ATG13: variants seen among roughly 807,000 people sequenced by gnomAD.
The protein encoded by ATG13 is autophagy-related protein 13.
Under a neutral mutation model 65.5 loss-of-function variants are expected in ATG13, and 23 were observed. The observed-to-expected ratio is 0.35, with a 90% CI of 0.25 to 0.50. The LOEUF (loss-of-function observed/expected upper bound fraction) is 0.50. Among genes scored for constraint, ATG13 ranks in the 20% least tolerant of loss-of-function variants. ATG13 has a pLI of 0.98. For synonymous variants in ATG13, 252 were observed against 245.2 expected (o/e 1.03, Z -0.26); for missense variants, 566 against 677.0 (o/e 0.84, Z 1.82).
intron 1 of ATG13, among the ~76,000 whole-genome samples, chr11:46,626,397 C>T (rs539364638): frequency 6.8e-4 from 103 of 152,136 alleles, no homozygotes; most frequent in African/African-American, 2.3e-3. Context: ...ATTACAGGCA[C>T]GCACCACCAT....
intron 11 of ATG13, 31 bp downstream of exon 11, chr11:46,659,516 A>G (rs1035166272): frequency 1.9e-6 from 3 of 1,549,628 alleles, no homozygotes; most frequent in Non-Finnish European, 2.7e-6. Context: ...GGGTGGTGGT[A>G]GTTATTTGGT....
chr11:46,649,133 A>G lies in ATG13; in HGVS notation c.271-4A>G. ...CAAATATTTTAAATTTGTCCTTTCT[A>G]CAGGGAGATTCCATGGAGCTGGAAA... On this transcript the variant is annotated splice_region_variant and splice_polypyrimidine_tract_variant and intron_variant, in intron 5 of 18. Transcript: ENST00000683050. The G allele has an allele frequency of 6.2e-7, 1 of 1,612,196 alleles. No homozygotes were observed. The highest frequency in any genetic ancestry group is 8.5e-7 in the Non-Finnish European group (1 of 1,178,944).
intron 9 of ATG13, 57 bp from the exon 10 acceptor site, chr11:46,657,467 T>A: frequency 6.5e-7 from 1 of 1,537,346 alleles, no homozygotes; most frequent in East Asian, 2.2e-5. Flanking sequence ...TCTGAGGACT[T>A]TGTGGGGGCT....
Position 46,654,283 on chromosome 11 carries a change from T to TATATATATATA in ATG13, c.459-1950_459-1949insATATATATATA, listed in dbSNP as rs1555105175. ...CCTCATCACTACTATTTTTAAAATT[T>TATATATATATA]TATATATATATATATATATATATAT... On this transcript the variant is annotated intron_variant, in intron 7 of 18. Coordinates refer to ENST00000683050, the MANE Select transcript of ATG13 (RefSeq NM_001346311.2). Among the ~76,000 whole-genome samples the TATATATATATA allele has an allele frequency of 1.1e-3, 135 of 122,304 alleles. 1 individual carries two copies. Among genetic ancestry groups the TATATATATATA allele is most frequent in the Middle Eastern group, 8.3e-3 (2 of 240 alleles). The allele number at this position is 122,304 out of a possible 152,430, so 80.2% of individuals were successfully genotyped here.
intron 11 of ATG13, among the ~76,000 whole-genome samples, chr11:46,660,770 G>A (rs963899527): frequency 7.3e-5 from 11 of 151,306 alleles, no homozygotes; most frequent in Non-Finnish European, 1.6e-4. Flanking sequence ...GTGCAGTGGT[G>A]CAGTCATGGG....
At chr11:46,659,316 C>G (rs1382722404) in intron 10 of ATG13, 76 bp from the exon 11 acceptor site, 1 of 1,202,400 alleles carries the variant, frequency 8.3e-7, no homozygotes, top group African/African-American at 1.5e-5. Context: ...CCATCTCTAT[C>G]TAATCACCTT....
chr11:46,664,058 T>C lies in ATG13; in HGVS notation c.851T>C (p.Leu284Pro), dbSNP rs1479149007. 7 of 1,596,198 alleles carry C rather than the reference T, an allele frequency of 4.4e-6. No individual in the cohort carries two copies. The highest frequency in any genetic ancestry group is 5.9e-6 in the Non-Finnish European group (7 of 1,178,822). ...CCTACTCCTGTGGTGACGGACACCC[T>C]GAGGGTCCCCATGGCAGGACTGGCC... The part of the protein sequence containing the change: ...QTPTPVVTDT[L>P]RVPMAGLAFS... Residue 284 changes from leucine (L) to proline (P), a missense_variant, in exon 12 of 19, where the codon CTG (leucine) becomes CCG (proline). Transcript: ENST00000683050.
rs538996604 is a variant in ATG13, at chr11:46,625,961, C to CGTTT, written c.-69-4071_-69-4068dup. 3.3e-3 allele frequency among the ~76,000 whole-genome samples: 509 copies of CGTTT among 152,032 alleles called. 2 individuals are homozygous for CGTTT. The highest frequency in any genetic ancestry group is 5.2e-3 in the Non-Finnish European group (351 of 67,962). ...GGGTATTGATTTCTTTTGTTTCTTT[C>CGTTT]GTTTGTTTGTTTGTTTTTGAGACGG... On this transcript the variant is annotated intron_variant, in intron 1 of 18. Coordinates refer to ENST00000683050, the MANE Select transcript of ATG13 (RefSeq NM_001346311.2).
chr11:46,635,715 G>A (rs1478564675), intron 2 of ATG13, among the ~76,000 whole-genome samples: 5 of 152,118 alleles, frequency 3.3e-5, no homozygotes, highest in Non-Finnish European at 5.9e-5. Flanking sequence ...TGGACCTAAG[G>A]GAACACATAG....
intron 2 of ATG13, among the ~76,000 whole-genome samples, chr11:46,633,505 G>A (rs1464280101): frequency 1.3e-5 from 2 of 151,542 alleles, no homozygotes; most frequent in East Asian, 1.9e-4. Flanking sequence ...CCGCCACCAC[G>A]CCCAGCTAAT....
Position 46,617,738 on chromosome 11 carries a change from C to A in ATG13, c.-222C>A. ...AACGTCTGGGGCCTGCGAGCCAGGA[C>A]CCTTCTGAAGCCTTAGGTGTCTATC... On this transcript the variant is annotated 5_prime_UTR_variant, in exon 1 of 19. Coordinates refer to ENST00000683050, the MANE Select transcript of ATG13 (RefSeq NM_001346311.2). 2.5e-6 allele frequency: 1 copy of A among 398,548 alleles called. No homozygotes were observed. Among genetic ancestry groups the A allele is most frequent in the Non-Finnish European group, 4.4e-6 (1 of 225,974 alleles). 24.7% of individuals were successfully genotyped at this position (398,548 alleles called of 1,614,324 possible). A position where few individuals can be genotyped will look rare whatever the true frequency, so the allele number is the denominator to read the frequency against.
At chr11:46,666,521 G>A (rs2062398781) in intron 14 of ATG13, among the ~76,000 whole-genome samples, 1 of 152,198 alleles carries the variant, frequency 6.6e-6, no homozygotes, top group Non-Finnish European at 1.5e-5. Flanking sequence ...GATACATTCT[G>A]TAAAACTCAA....
At chr11:46,642,035 C>T (rs950966956) in intron 2 of ATG13, among the ~76,000 whole-genome samples, 4 of 152,132 alleles carry the variant, frequency 2.6e-5, no homozygotes, top group Non-Finnish European at 4.4e-5. Context: ...ATCCAACTGC[C>T]TCAGCCTCCT....
intron 2 of ATG13, among the ~76,000 whole-genome samples, chr11:46,637,675 A>G (rs567291579): frequency 3.3e-5 from 5 of 152,356 alleles, no homozygotes; most frequent in Admixed American, 2.6e-4. Flanking sequence ...AATAGCACCC[A>G]GATGAGAACA....
rs1296024240 is a variant in ATG13 at position 46,645,931 on chromosome 11, G to A, written c.212G>A (p.Gly71Glu). 1 of 1,614,212 alleles carries A rather than the reference G, an allele frequency of 6.2e-7. No homozygotes were observed. The highest frequency in any genetic ancestry group is 8.5e-7 in the Non-Finnish European group (1 of 1,180,028). ...CATGAAGCAAAGAAGGCACTGGCAG[G>A]ACAGCTGCCTGCAGTCGGGAGGTCC... ...VTHEAKKALA[G>E]QLPAVGRSMC... The change falls in exon 5 of 19, where the codon GGA (glycine) becomes GAA (glutamate). Residue 71 changes from glycine to glutamate, a missense_variant. Transcript: ENST00000683050.
chr11:46,639,384 C>T (rs2055108049), intron 2 of ATG13, among the ~76,000 whole-genome samples: 1 of 152,066 alleles, frequency 6.6e-6, no homozygotes, highest in Non-Finnish European at 1.5e-5. Flanking sequence ...TTGTTGGCTT[C>T]CTGGACTAGT....
chr11:46,641,662 G>A (rs73451858), intron 2 of ATG13, among the ~76,000 whole-genome samples: 7 of 151,904 alleles, frequency 4.6e-5, no homozygotes, highest in Admixed American at 3.3e-4. Flanking sequence ...TTCTATAACT[G>A]TATCTGGATT....
At chr11:46,620,258 TAA>T (rs2047022831) in intron 1 of ATG13, among the ~76,000 whole-genome samples, 1 of 150,444 alleles carries the variant, frequency 6.6e-6, no homozygotes, top group Non-Finnish European at 1.5e-5. Flanking sequence ...CACGCCTGGC[TAA>T]GTTTTTGTAT....
intron 2 of ATG13, among the ~76,000 whole-genome samples, chr11:46,643,881 A>G (rs1438740720): frequency 6.6e-6 from 1 of 152,224 alleles, no homozygotes; most frequent in Non-Finnish European, 1.5e-5. Flanking sequence ...AAAAGCCCAT[A>G]ACTCCCCAAA....
Sources: gnomAD v4.1 joint callset for allele counts (sites outside exome capture counted in the v4.1 genomes callset) on GRCh38, gnomAD v4.1.1 for gene constraint, MANE v1.5 for transcripts, NCBI Gene and HGNC (gene_info 2026-07-23, HGNC 2026-07-21) for gene names.